The following CDH23 variants were observed in gnomAD, a reference collection of about 807,000 sequenced individuals.
CDH23 encodes the protein cadherin related 23.
In CDH23, 189 loss-of-function variants were observed where a neutral mutation model predicts 317.1. The observed-to-expected ratio is 0.60, with a 90% CI of 0.53 to 0.67. The LOEUF is 0.67. Ranked by LOEUF, CDH23 falls within the 30% of genes least tolerant of loss-of-function variation. CDH23 has a pLI of 0.00. For missense variants in CDH23, 4,401 were observed against 4,592.4 expected (o/e 0.96, Z 1.20); for synonymous variants, 1,839 against 1,876.8 (o/e 0.98, Z 0.52).
rs188380204 is a variant in CDH23, at chr10:71,729,105, G to C, written c.3580-1364G>C. 2.6e-5 allele frequency among the ~76,000 whole-genome samples: 4 copies of C among 152,132 alleles called. No individual in the cohort carries two copies. The East Asian group carries it at 7.7e-4, about 29-fold the overall frequency. ...CCACTTCAACCTCCCAAATTTCTGC[G>C]ATTACAGGCAAAAGCCACCATGCCT... is the stretch of plus-strand genomic sequence containing the variant. On this transcript the variant is annotated intron_variant, in intron 30 of 69. Transcript: ENST00000224721.
In CDH23 at chr10:71,790,138, A is replaced by C. The variant is rs1358996945; in HGVS notation, c.5924-150A>C. 7 of 1,055,474 alleles carry C rather than the reference A, an allele frequency of 6.6e-6. 1 individual carries two copies. Among genetic ancestry groups the C allele is most frequent in the Non-Finnish European group, 9.3e-6 (7 of 756,010 alleles). The allele number at this position is 1,055,474 out of a possible 1,614,324, so 65.4% of individuals were successfully genotyped here. A position where few individuals can be genotyped will look rare whatever the true frequency, so the allele number is the denominator to read the frequency against. ...GCGTTCAGTCTGCCAAGGCTGCCGC[A>C]GGCCCGCCCCCAGGGCCTCCCCACC... On this transcript the variant is annotated intron_variant, in intron 45 of 69. Transcript: ENST00000224721.
chr10:71,612,133 T>G (rs990108132), intron 9 of CDH23, among the ~76,000 whole-genome samples: 63 of 152,176 alleles, frequency 4.1e-4, no homozygotes, highest in African/African-American at 1.4e-3. Flanking sequence ...TCCCTAGGTA[T>G]AGCTCTTTCT....
intron 9 of CDH23, among the ~76,000 whole-genome samples, chr10:71,583,810 A>G (rs2132421160): frequency 1.3e-5 from 2 of 152,282 alleles, no homozygotes; most frequent in Middle Eastern, 6.8e-3. Flanking sequence ...AGACATAGAC[A>G]AGGAAAGCAA....
intron 14 of CDH23, among the ~76,000 whole-genome samples, chr10:71,648,615 G>A (rs745341003): frequency 1.3e-5 from 2 of 152,224 alleles, no homozygotes; most frequent in African/African-American, 2.4e-5. Flanking sequence ...TCCCTTGGTC[G>A]GTGGTGCCAA....
chr10:71,612,998 G>A (rs368092712), intron 9 of CDH23, among the ~76,000 whole-genome samples: 13 of 152,114 alleles, frequency 8.5e-5, no homozygotes, highest in Admixed American at 4.6e-4. Flanking sequence ...ACAGGCATGC[G>A]CCACCACACC....
chr10:71,482,997 T>G (rs928619357), intron 3 of CDH23, among the ~76,000 whole-genome samples: 20 of 152,150 alleles, frequency 1.3e-4, no homozygotes, highest in African/African-American at 4.6e-4. Flanking sequence ...CAAAGGACAT[T>G]GAGAGGTGCA....
intron 11 of CDH23, among the ~76,000 whole-genome samples, chr10:71,621,749 GA>G (rs1417317504): frequency 6.6e-6 from 1 of 152,222 alleles, no homozygotes. Context: ...GCCGCCACCA[GA>G]TCGAAGATTC....
At chr10:71,768,165 CTGTTGT>C (rs754193241) in intron 38 of CDH23, among the ~76,000 whole-genome samples, 2 of 151,644 alleles carry the variant, frequency 1.3e-5, no homozygotes, top group Admixed American at 6.6e-5. Context: ...GGCTTTGTTG[CTGTTGT>C]TGTTGTTGTT....
At chr10:71,508,761 C>G (rs897371462) in intron 3 of CDH23, among the ~76,000 whole-genome samples, 1 of 152,194 alleles carries the variant, frequency 6.6e-6, no homozygotes, top group East Asian at 1.9e-4. Flanking sequence ...GATCTCCTCA[C>G]CCCTTTGAGA....
chr10:71,539,318 C>T (rs1247993627), intron 6 of CDH23, among the ~76,000 whole-genome samples: 3 of 152,138 alleles, frequency 2.0e-5, no homozygotes, highest in African/African-American at 4.8e-5. Flanking sequence ...TGGACCCAGC[C>T]CACCTATAGC....
At chr10:71,591,566 G>A (rs918187921) in intron 9 of CDH23, among the ~76,000 whole-genome samples, 6 of 152,156 alleles carry the variant, frequency 3.9e-5, no homozygotes, top group African/African-American at 1.2e-4. Flanking sequence ...GGTTCTCCAT[G>A]TGTGATACCC....
At chr10:71,722,963 G>A (rs10999974) in intron 28 of CDH23, among the ~76,000 whole-genome samples, 4,759 of 152,256 alleles carry the variant, frequency 0.031, 123 homozygotes, top group East Asian at 0.096. Flanking sequence ...ATCTCTCTGG[G>A]CCCAAGGTCA....
Position 71,691,422 on chromosome 10 carries a change from G to C in CDH23, c.2176+838G>C, listed in dbSNP as rs536332733. ...TGGCTCTGACCTCATGAGGTTGCTA[G>C]TCAGCTCAGTGGGCATGCAAGGCAC... On this transcript the variant is annotated intron_variant, in intron 20 of 69. Coordinates refer to ENST00000224721, the MANE Select transcript of CDH23 (RefSeq NM_022124.6). 2.7e-3 allele frequency among the ~76,000 whole-genome samples: 104 copies of C among 39,158 alleles called. 2 individuals are homozygous for C. The highest frequency in any genetic ancestry group is 6.1e-3 in the Admixed American group (31 of 5,096). 25.7% of individuals were successfully genotyped at this position (39,158 alleles called of 152,430 possible). A position where few individuals can be genotyped will look rare whatever the true frequency, so the allele number is the denominator to read the frequency against.
At chr10:71,731,907 G>T in intron 31 of CDH23, 80 bp from the exon 32 acceptor site, 1 of 1,480,922 alleles carries the variant, frequency 6.8e-7, no homozygotes, top group East Asian at 2.4e-5. Flanking sequence ...CAGGGGGTAT[G>T]GGTGTGGCAG....
At chr10:71,421,630 C>T (rs1232695194) in intron 1 of CDH23, among the ~76,000 whole-genome samples, 1 of 152,098 alleles carries the variant, frequency 6.6e-6, no homozygotes, top group Non-Finnish European at 1.5e-5. Context: ...ATTACTCTGG[C>T]CTGCAATTTG....
At chr10:71,593,617 G>A (rs899631301) in intron 9 of CDH23, among the ~76,000 whole-genome samples, 1 of 152,150 alleles carries the variant, frequency 6.6e-6, no homozygotes, top group Non-Finnish European at 1.5e-5. Context: ...GAAAAAGTTG[G>A]AAAATCCAAT....
At chr10:71,734,545 G>C (rs759770181) in intron 33 of CDH23, 111 bp from the exon 34 acceptor site, 75 of 1,605,690 alleles carry the variant, frequency 4.7e-5, no homozygotes, top group Middle Eastern at 1.7e-4. Context: ...GTGGAGGGTG[G>C]CACCTCCAGA....
Position 71,588,365 on chromosome 10 carries a change from G to A in CDH23, c.832+10373G>A, listed in dbSNP as rs1589239130. ...CTCAAATCTCAGGTGACCTTGAGCC[G>A]GTTACATCCACCTGTGCCTCAGTTT... is the stretch of plus-strand genomic sequence containing the variant. On this transcript the variant is annotated intron_variant, in intron 9 of 69. Transcript: ENST00000224721. Among the ~76,000 whole-genome samples the A allele has an allele frequency of 4.6e-5, 7 of 152,210 alleles. No homozygotes were observed. The South Asian group carries it at 1.5e-3, about 32-fold the overall frequency.
chr10:71,706,769 C>A, intron 25 of CDH23, 128 bp from the exon 26 acceptor site: 2 of 1,441,144 alleles, frequency 1.4e-6, no homozygotes, highest in Non-Finnish European at 1.9e-6. Flanking sequence ...GACACAGATG[C>A]CACTTGGAGC....
Sources: gnomAD v4.1 joint callset for allele counts (sites outside exome capture counted in the v4.1 genomes callset) on GRCh38, gnomAD v4.1.1 for gene constraint, MANE v1.5 for transcripts, NCBI Gene and HGNC (gene_info 2026-07-23, HGNC 2026-07-21) for gene names.